The following SHROOM4 variants were observed in gnomAD, a reference collection of about 807,000 sequenced individuals.
SHROOM4 encodes the protein shroom family member 4.
A neutral mutation model predicts 80.3 loss-of-function variants in SHROOM4; 17 were observed. That is an observed-to-expected ratio of 0.21 (90% CI 0.14 to 0.32). SHROOM4 has a LOEUF of 0.32. Ranked by LOEUF, SHROOM4 falls within the 10% of genes least tolerant of loss-of-function variation. The pLI, the probability that SHROOM4 is intolerant of heterozygous loss-of-function variation, is 1.00. For missense variants in SHROOM4, 993 were observed against 1,140.3 expected, an observed-to-expected ratio of 0.87 and a Z score of 1.86; for synonymous variants, 400 against 437.5, an observed-to-expected ratio of 0.91 and a Z score of 1.07.
At chrX:50,656,623 T>A (rs1932315658) in intron 2 of SHROOM4, among the ~76,000 whole-genome samples, 1 of 111,595 alleles carries the variant, frequency 9.0e-6, no homozygotes, top group Admixed American at 9.6e-5. Flanking sequence ...TCCGTTTTTA[T>A]GCCAGTACCA....
At chrX:50,793,621 C>A (rs1344655749) in intron 1 of SHROOM4, among the ~76,000 whole-genome samples, 1 of 104,390 alleles carries the variant, frequency 9.6e-6, no homozygotes, top group East Asian at 2.9e-4. Context: ...TATCTAATGA[C>A]TCCCAGACCC....
chrX:50,681,043 C>G (rs1473770290), intron 2 of SHROOM4, among the ~76,000 whole-genome samples: 2 of 110,975 alleles, frequency 1.8e-5, no homozygotes, highest in African/African-American at 6.5e-5. Context: ...ACACTTGATC[C>G]ATCAGCAAGT....
intron 2 of SHROOM4, among the ~76,000 whole-genome samples, chrX:50,660,340 C>A (rs1361668611): frequency 1.8e-5 from 2 of 111,331 alleles, no homozygotes; most frequent in African/African-American, 6.5e-5. Flanking sequence ...TGCTGCTGAT[C>A]CAAGGACCAC....
chrX:50,601,173 C>A (rs1333211216), intron 7 of SHROOM4, among the ~76,000 whole-genome samples: 1 of 112,065 alleles, frequency 8.9e-6, no homozygotes, highest in African/African-American at 3.2e-5. Flanking sequence ...CCTCACCTTT[C>A]TTCCTCAGAG....
rs58909385 is a variant in SHROOM4, at chrX:50,795,040, C to CAT, written c.117+18860_117+18861dup. Among the ~76,000 whole-genome samples the CAT allele has an allele frequency of 0.036, 222 of 6,221 alleles. 45 individuals carry two copies. The South Asian group carries it at 0.38, about 11-fold the overall frequency. The allele number at this position is 6,221 out of a possible 115,157, so 5.4% of individuals were successfully genotyped here. On this transcript the variant is annotated intron_variant, in intron 1 of 8. Coordinates refer to ENST00000376020, the MANE Select transcript of SHROOM4 (RefSeq NM_020717.5). ...ATCTTTATATATATCATATATATCT[C>CAT]ATATATATATGATATATATATGATA...
At chrX:50,753,827 G>A (rs781821071) in intron 1 of SHROOM4, among the ~76,000 whole-genome samples, 4 of 111,733 alleles carry the variant, frequency 3.6e-5, no homozygotes, top group African/African-American at 1.3e-4. Context: ...TTATGTTTAT[G>A]AATTTTGTCA....
Position 50,607,543 on chromosome X carries a change from C to T in SHROOM4, c.3599G>A (p.Ser1200Asn), listed in dbSNP as rs781812544. The change falls in exon 6 of 9, where the codon AGT (serine) becomes AAT (asparagine). Residue 1200 changes from serine to asparagine, a missense_variant. Transcript: ENST00000376020. The part of the protein sequence containing the change: ...HLEGSRQGSQ[S>N]VPAEQESFAL... ...AAAGGATTCTTGCTCTGCTGGGACACTTTGTGAACCCTGTCTCGAGCCCTC... is the reference window on the plus strand; with the variant it reads ...AAAGGATTCTTGCTCTGCTGGGACATTTTGTGAACCCTGTCTCGAGCCCTC... 5.8e-6 allele frequency: 7 copies of T among 1,209,246 alleles called. No homozygotes were observed. Among genetic ancestry groups the T allele is most frequent in the South Asian group, 1.8e-5 (1 of 56,731 alleles).
chrX:50,607,259 CTG>C, intron 6 of SHROOM4, 120 bp downstream of exon 6: 1 of 690,297 alleles, frequency 1.4e-6, no homozygotes, highest in Non-Finnish European at 2.3e-6. Context: ...GGTAAGAAAA[CTG>C]AGGCTGGGAG....
At chrX:50,629,492 C>A (rs1557253707) in intron 4 of SHROOM4, among the ~76,000 whole-genome samples, 1 of 111,607 alleles carries the variant, frequency 9.0e-6, no homozygotes, top group Non-Finnish European at 1.9e-5. Context: ...AATAATATTG[C>A]TTGAGAACTC....
rs1557248682 is a variant in SHROOM4 at position 50,607,354 on chromosome X, G to C, written c.3761+27C>G. 2.5e-6 allele frequency: 3 copies of C among 1,204,940 alleles called. No homozygotes were observed. The African/African-American group carries it at 5.3e-5, about 21-fold the overall frequency. On this transcript the variant is annotated intron_variant, in intron 6 of 8. Coordinates refer to ENST00000376020, the MANE Select transcript of SHROOM4 (RefSeq NM_020717.5). ...AACTTGTGCTGCCTGCCTCTTCAGA[G>C]ACCTAGTATCTTTCATATGTACTTA...
At chrX:50,623,029 G>A (rs1930637747) in intron 5 of SHROOM4, among the ~76,000 whole-genome samples, 1 of 111,646 alleles carries the variant, frequency 9.0e-6, no homozygotes, top group Non-Finnish European at 1.9e-5. Flanking sequence ...CTGAGAATGT[G>A]CATTTCTAAC....
chrX:50,624,436 G>A (rs1253427411), intron 5 of SHROOM4, among the ~76,000 whole-genome samples: 2 of 110,124 alleles, frequency 1.8e-5, no homozygotes, highest in African/African-American at 6.6e-5. Context: ...CCCTGGCTGG[G>A]TGTTTGACAA....
At chrX:50,795,092 T>G (rs1935952052) in intron 1 of SHROOM4, among the ~76,000 whole-genome samples, 1 of 65,051 alleles carries the variant, frequency 1.5e-5, no homozygotes, top group Non-Finnish European at 2.6e-5. Flanking sequence ...ATATATGATA[T>G]ATATATATGA....
intron 1 of SHROOM4, among the ~76,000 whole-genome samples, chrX:50,804,243 A>G (rs1053973588): frequency 2.7e-5 from 3 of 111,783 alleles, no homozygotes; most frequent in Non-Finnish European, 5.6e-5. Flanking sequence ...AAATAGGGCA[A>G]TTGAGATAGA....
intron 1 of SHROOM4, among the ~76,000 whole-genome samples, chrX:50,781,570 G>T (rs1278442891): frequency 1.8e-5 from 2 of 109,591 alleles, no homozygotes; most frequent in Non-Finnish European, 3.8e-5. Context: ...GGGAGTGGGG[G>T]GGATGCAGAT....
the SHROOM4 span, among the ~76,000 whole-genome samples, chrX:50,580,689 C>T: frequency 1.9e-4 from 21 of 111,200 alleles, no homozygotes; most frequent in African/African-American, 6.2e-4. Flanking sequence ...ATTGGGAAGC[C>T]GAGGCAGGAG....
chrX:50,799,978 C>A (rs1489612332), intron 1 of SHROOM4, among the ~76,000 whole-genome samples: 1 of 112,244 alleles, frequency 8.9e-6, no homozygotes, highest in African/African-American at 3.2e-5. Context: ...CTGTTATAAA[C>A]CAAACTTCAG....
At chrX:50,627,424 G>C (rs1930845416) in intron 5 of SHROOM4, among the ~76,000 whole-genome samples, 190 bp downstream of exon 5, 1 of 111,334 alleles carries the variant, frequency 9.0e-6, no homozygotes, top group African/African-American at 3.3e-5. Context: ...CAATCAGTTT[G>C]GTCTGTACCC....
At chrX:50,762,408 T>TA (rs200302952) in intron 1 of SHROOM4, among the ~76,000 whole-genome samples, 2,948 of 112,206 alleles carry the variant, frequency 0.026, 85 homozygotes, top group African/African-American at 0.089. Flanking sequence ...CTATTGTTTT[T>TA]AAATCAATTA....
Sources: gnomAD v4.1 joint callset for allele counts (sites outside exome capture counted in the v4.1 genomes callset) on GRCh38, gnomAD v4.1.1 for gene constraint, MANE v1.5 for transcripts, NCBI Gene and HGNC (gene_info 2026-07-23, HGNC 2026-07-21) for gene names.